PRKAR1B: variants seen among roughly 807,000 people sequenced by gnomAD.
PRKAR1B encodes cAMP-dependent protein kinase type I-beta regulatory subunit.
PRKAR1B carries 22 observed loss-of-function variants against 46.5 expected under a neutral mutation model. The ratio of observed to expected loss-of-function variants is 0.47; its 90% CI spans 0.34 to 0.68. The LOEUF is 0.68. PRKAR1B is among the 30% of genes least tolerant of loss of function. The probability of loss-of-function intolerance (pLI) is 0.01; values close to 1 mark genes in which losing one functional copy is unlikely to be tolerated. For missense variants in PRKAR1B, 445 were observed against 535.6 expected, an observed-to-expected ratio of 0.83 and a Z score of 1.67; for synonymous variants, 259 against 217.7, an observed-to-expected ratio of 1.19 and a Z score of -1.67.
At chr7:606,106 G>A in intron 6 of PRKAR1B, 87 bp downstream of exon 6, 1 of 1,304,554 alleles carries the variant, frequency 7.7e-7, no homozygotes, top group South Asian at 1.2e-5. Flanking sequence ...AGTGTTTGTT[G>A]GGGGCCTGGT....
intron 4 of PRKAR1B, among the ~76,000 whole-genome samples, chr7:614,591 C>A (rs924768910): frequency 3.9e-5 from 6 of 152,054 alleles, no homozygotes; most frequent in Admixed American, 3.9e-4. Context: ...CATAACAAGA[C>A]CCCATTTCTA....
intron 4 of PRKAR1B, among the ~76,000 whole-genome samples, chr7:620,091 C>G (rs1217343107): frequency 6.7e-6 from 1 of 149,038 alleles, no homozygotes; most frequent in Non-Finnish European, 1.5e-5. Flanking sequence ...TGGGCTCAAA[C>G]AATCCTCCCA....
At chr7:700,907 G>A (rs1387073049) in intron 2 of PRKAR1B, among the ~76,000 whole-genome samples, 1 of 152,158 alleles carries the variant, frequency 6.6e-6, no homozygotes, top group African/African-American at 2.4e-5. Flanking sequence ...GGACAGGTGG[G>A]CAGGGCATCG....
In PRKAR1B at chr7:593,748, G is replaced by A. The variant is rs905156744; in HGVS notation, c.708+2398C>T. On this transcript the variant is annotated intron_variant, in intron 7 of 10. Coordinates refer to ENST00000537384, the MANE Select transcript of PRKAR1B (RefSeq NM_001164760.2). This position sits in a 1 kb window ranked among gnomAD's most constrained non-coding sequence, Gnocchi z 6.1. Reference sequence around the variant, plus strand: ...CGGGTTCAGACAGAAGAGAGGGAGCGTGCAACTCCTCCCAGGAGGCTGCAC... The same window carrying A: ...CGGGTTCAGACAGAAGAGAGGGAGCATGCAACTCCTCCCAGGAGGCTGCAC... Among the ~76,000 whole-genome samples the A allele has an allele frequency of 1.9e-4, 29 of 152,144 alleles. No homozygotes were observed. Among genetic ancestry groups the A allele is most frequent in the African/African-American group, 7.0e-4 (29 of 41,436 alleles).
chr7:563,722 A>C (rs931298713), intron 9 of PRKAR1B, among the ~76,000 whole-genome samples: 1 of 151,650 alleles, frequency 6.6e-6, no homozygotes, highest in South Asian at 2.1e-4. Flanking sequence ...GTGTGTGTGC[A>C]TGGGTCTGCT....
rs183596049 is a variant in PRKAR1B, at chr7:554,659, G to T, written c.892-3189C>A. Among the ~76,000 whole-genome samples the T allele has an allele frequency of 8.9e-4, 134 of 150,056 alleles. 1 individual carries two copies. The highest frequency in any genetic ancestry group is 3.1e-3 in the African/African-American group (126 of 40,832). Reference sequence around the variant, plus strand: ...GGAGGCCACGGATCCCACAGAGCCAGAAGACAGGGGAGGCCACAGATCCCA... The same window carrying T: ...GGAGGCCACGGATCCCACAGAGCCATAAGACAGGGGAGGCCACAGATCCCA... On this transcript the variant is annotated intron_variant, in intron 9 of 10. Transcript: ENST00000537384.
At chr7:673,445 C>G (rs533753800) in intron 4 of PRKAR1B, among the ~76,000 whole-genome samples, 7 of 151,896 alleles carry the variant, frequency 4.6e-5, no homozygotes, top group Non-Finnish European at 7.4e-5. Context: ...GTCAGGAGAT[C>G]GAGACCATCC....
chr7:566,050 C>A (rs1779105675), intron 9 of PRKAR1B, among the ~76,000 whole-genome samples: 1 of 152,156 alleles, frequency 6.6e-6, no homozygotes, highest in African/African-American at 2.4e-5. Context: ...TGGTCATTAC[C>A]TCAGAGACTC....
At chr7:558,472 C>G (rs983084183) in intron 9 of PRKAR1B, among the ~76,000 whole-genome samples, 3 of 152,022 alleles carry the variant, frequency 2.0e-5, no homozygotes, top group African/African-American at 7.2e-5. Flanking sequence ...GAAGGAAAAC[C>G]AGGCCAGGCG....
chr7:593,872 C>T lies in PRKAR1B; in HGVS notation c.708+2274G>A, dbSNP rs560347442. ...GCCCCACAGGTGCATAAATGAGAAG[C>T]TCATGGGGTGCAGAATCTGATGAAA... On this transcript the variant is annotated intron_variant, in intron 7 of 10. Coordinates refer to ENST00000537384, the MANE Select transcript of PRKAR1B (RefSeq NM_001164760.2). This position sits in a 1 kb window ranked among gnomAD's most constrained non-coding sequence, Gnocchi z 6.1. Among the ~76,000 whole-genome samples, 5 of 152,308 alleles carry T rather than the reference C, an allele frequency of 3.3e-5. No individual in the cohort carries two copies. In the South Asian group the frequency reaches 1.0e-3, roughly 32 times the overall value.
At chr7:613,241 G>GTT (rs200434662) in intron 4 of PRKAR1B, among the ~76,000 whole-genome samples, 69 of 136,960 alleles carry the variant, frequency 5.0e-4, no homozygotes, top group Middle Eastern at 3.7e-3. Flanking sequence ...TTTTTCTTTT[G>GTT]TTTTTTTTTT....
At chr7:677,400 C>T (rs562623900) in intron 3 of PRKAR1B, 80 bp from the exon 4 acceptor site, 15 of 1,166,210 alleles carry the variant, frequency 1.3e-5, no homozygotes, top group Middle Eastern at 1.9e-4. Context: ...CCTACTCCAC[C>T]CTCAGCCTGC....
chr7:686,014 G>A (rs1779076327), intron 2 of PRKAR1B, among the ~76,000 whole-genome samples: 1 of 152,104 alleles, frequency 6.6e-6, no homozygotes, highest in Non-Finnish European at 1.5e-5. Flanking sequence ...TTAAAATGGA[G>A]AATCGGCCAG....
intron 4 of PRKAR1B, among the ~76,000 whole-genome samples, chr7:637,812 G>A (rs10272953): frequency 0.034 from 5,235 of 152,104 alleles, 211 homozygotes; most frequent in African/African-American, 0.094. Flanking sequence ...CAGCCTGGGG[G>A]ACAAGAGAGA....
intron 6 of PRKAR1B, among the ~76,000 whole-genome samples, chr7:599,285 A>AT (rs1781456205): frequency 6.7e-6 from 1 of 149,512 alleles, no homozygotes; most frequent in Non-Finnish European, 1.5e-5. Context: ...GTTGTGTTTC[A>AT]TTTTTTTGTT....
rs377033393 is a variant in PRKAR1B, at chr7:662,119, G to A, written c.440+15110C>T. ...CCCCATGGCACAGGTCCCCACCCCA[G>A]TGGGTCCAAATACTTACTCTTTCCC... On this transcript the variant is annotated intron_variant, in intron 4 of 10. Transcript: ENST00000537384. Among the ~76,000 whole-genome samples, 270 of 62,572 alleles carry A rather than the reference G, an allele frequency of 4.3e-3. 6 individuals carry two copies. The highest frequency in any genetic ancestry group is 7.2e-3 in the African/African-American group (102 of 14,166). 41.0% of individuals were successfully genotyped at this position (62,572 alleles called of 152,430 possible).
At chr7:718,287 CACACACACAT>C (rs1286863965) in intron 1 of PRKAR1B, among the ~76,000 whole-genome samples, 28 of 125,922 alleles carry the variant, frequency 2.2e-4, no homozygotes, top group African/African-American at 3.3e-4. Context: ...CACACACACA[CACACACACAT>C]ACACATATAT....
At chr7:632,835 GGGGCTGTGTGCCCAGCCACAGCC>G (rs1783832977) in intron 4 of PRKAR1B, among the ~76,000 whole-genome samples, 1 of 109,084 alleles carries the variant, frequency 9.2e-6, no homozygotes, top group East Asian at 3.4e-4. Context: ...GGGACTCTAC[GGGGCTGTGTGCCCAGCCACAGCC>G]TCAAGGAGCC....
chr7:580,961 G>A (rs191835558), intron 8 of PRKAR1B, among the ~76,000 whole-genome samples: 2 of 152,080 alleles, frequency 1.3e-5, no homozygotes, highest in Admixed American at 6.5e-5. Flanking sequence ...CATAGGGAAG[G>A]GGGGCGAGGA....
Sources: gnomAD v4.1 joint callset for allele counts (sites outside exome capture counted in the v4.1 genomes callset) on GRCh38, gnomAD v4.1.1 for gene constraint, Gnocchi (gnomAD v3.1) non-coding constraint, MANE v1.5 for transcripts, NCBI Gene and HGNC (gene_info 2026-07-23, HGNC 2026-07-21) for gene names.